PDE1C: variants seen among roughly 807,000 people sequenced by gnomAD.
PDE1C encodes the protein phosphodiesterase 1C.
PDE1C carries 62 observed loss-of-function variants against 93.1 expected under a neutral mutation model. The ratio of observed to expected loss-of-function variants is 0.67; its 90% CI spans 0.54 to 0.82. The LOEUF is 0.82. Among genes scored for constraint, PDE1C ranks in the 40% least tolerant of loss-of-function variants. The probability of loss-of-function intolerance (pLI) is 0.00; values close to 1 mark genes in which losing one functional copy is unlikely to be tolerated. For synonymous variants in PDE1C, 325 were observed against 310.1 expected (o/e 1.05, Z -0.50); for missense variants, 742 against 884.6 (o/e 0.84, Z 2.04).
At chr7:31,768,065 C>T (rs1795250836) in intron 17 of PDE1C, among the ~76,000 whole-genome samples, 2 of 152,176 alleles carry the variant, frequency 1.3e-5, no homozygotes, top group Non-Finnish European at 2.9e-5. Context: ...GCAGCCTAAT[C>T]CTCTTTGAGC....
chr7:31,674,867 T>C, the PDE1C span, among the ~76,000 whole-genome samples: 3 of 152,222 alleles, frequency 2.0e-5, no homozygotes, highest in Non-Finnish European at 2.9e-5. Flanking sequence ...CACTTTCTTC[T>C]GATATGTGTC....
intron 2 of PDE1C, among the ~76,000 whole-genome samples, chr7:32,049,399 G>GTTGTT (rs929781259): frequency 3.9e-5 from 6 of 152,154 alleles, no homozygotes; most frequent in Middle Eastern, 3.4e-3. Context: ...TGTTGTTGTT[G>GTTGTT]TTGTTTTGTT....
At chr7:32,292,912 C>T (rs759070320) in intron 1 of PDE1C, among the ~76,000 whole-genome samples, 9 of 152,298 alleles carry the variant, frequency 5.9e-5, no homozygotes, top group Non-Finnish European at 1.0e-4. Flanking sequence ...GTGCATCAGC[C>T]TATAGGAGGG....
At chr7:32,037,425 C>G (rs1791253290) in intron 2 of PDE1C, among the ~76,000 whole-genome samples, 1 of 152,102 alleles carries the variant, frequency 6.6e-6, no homozygotes, top group Non-Finnish European at 1.5e-5. Context: ...TGCATACAAA[C>G]CTCACTCAAG....
chr7:32,298,767 G>T (rs748188584), exon 1 of PDE1C: 17 of 1,562,184 alleles, frequency 1.1e-5, no homozygotes, highest in Non-Finnish European at 1.5e-5. Context: ...GCCTCGCAGC[G>T]AGACCAGCGG....
At chr7:32,068,138 A>G (rs1179226805) in intron 1 of PDE1C, among the ~76,000 whole-genome samples, 6 of 152,354 alleles carry the variant, frequency 3.9e-5, no homozygotes, top group Admixed American at 3.9e-4. Flanking sequence ...GTGTCATGGT[A>G]ATATATTGGT....
chr7:31,736,654 C>A, the PDE1C span, among the ~76,000 whole-genome samples: 2 of 152,142 alleles, frequency 1.3e-5, no homozygotes, highest in Non-Finnish European at 2.9e-5. Context: ...TTGGAATCTG[C>A]GTGTTCAATG....
At chr7:31,834,696 T>C (rs967472438) in intron 11 of PDE1C, among the ~76,000 whole-genome samples, 1 of 152,032 alleles carries the variant, frequency 6.6e-6, no homozygotes, top group Non-Finnish European at 1.5e-5. Flanking sequence ...TAACTTGCTT[T>C]TGATTTTACA....
At chr7:32,298,353 C>G (rs985244216) in intron 1 of PDE1C, among the ~76,000 whole-genome samples, 2 of 152,142 alleles carry the variant, frequency 1.3e-5, no homozygotes, top group Non-Finnish European at 1.5e-5. Flanking sequence ...TCCTTTCCCC[C>G]GGCCTGCCTT....
rs1393279360 is a variant in PDE1C, at chr7:31,967,596, CCTAA to C, written c.128+83954_128+83957del. Among the ~76,000 whole-genome samples the C allele has an allele frequency of 9.9e-5, 15 of 152,282 alleles. No individual in the cohort carries two copies. In the East Asian group the frequency reaches 2.9e-3, roughly 29 times the overall value. ...ATCAATAAATAAAGAGGGAATCCTC[CCTAA>C]CTCTTTTTATGAGGCCAGCATCATC... On this transcript the variant is annotated intron_variant, in intron 2 of 17. Transcript: ENST00000396191.
chr7:31,656,592 T>G, the PDE1C span: 1 of 530,854 alleles, frequency 1.9e-6, no homozygotes, highest in Non-Finnish European at 2.4e-6. Context: ...ATGAATGAGA[T>G]GAGGATAAAT....
In PDE1C at chr7:32,206,448, G is replaced by A. The variant is rs557176570; in HGVS notation, c.136+3041C>T. 5.3e-5 allele frequency among the ~76,000 whole-genome samples: 8 copies of A among 152,220 alleles called. No individual in the cohort carries two copies. In the South Asian group the frequency reaches 1.7e-3, roughly 32 times the overall value. On this transcript the variant is annotated intron_variant, in intron 2 of 18. Coordinates refer to the PDE1C transcript ENST00000396193. Reference sequence around the variant, plus strand: ...CTAGAGAGGAGGGTTTTTAGGGCCTGGCACTGGAGGGCAGCTTCACCAGCA... The same window carrying A: ...CTAGAGAGGAGGGTTTTTAGGGCCTAGCACTGGAGGGCAGCTTCACCAGCA...
chr7:32,228,237 A>G (rs1360132710), intron 1 of PDE1C, among the ~76,000 whole-genome samples: 1 of 152,212 alleles, frequency 6.6e-6, no homozygotes, highest in Admixed American at 6.5e-5. Context: ...CCAGAGACAC[A>G]TGCGTTGTGT....
intron 3 of PDE1C, among the ~76,000 whole-genome samples, chr7:32,153,598 G>A (rs528035062): frequency 3.4e-4 from 52 of 152,358 alleles, no homozygotes; most frequent in Middle Eastern, 3.4e-3. Flanking sequence ...CCCACCCAGC[G>A]AGGCTGGTTT....
At chr7:32,011,813 C>G (rs1787159426) in intron 2 of PDE1C, among the ~76,000 whole-genome samples, 1 of 152,162 alleles carries the variant, frequency 6.6e-6, no homozygotes, top group Non-Finnish European at 1.5e-5. Flanking sequence ...TGTAGCCATT[C>G]CACTTTTAGG....
chr7:31,888,332 C>G (rs771462215), intron 2 of PDE1C, among the ~76,000 whole-genome samples: 1 of 139,272 alleles, frequency 7.2e-6, no homozygotes, highest in Non-Finnish European at 1.5e-5. Context: ...GTTAGAAGAA[C>G]AAGTTACTCC....
intron 11 of PDE1C, among the ~76,000 whole-genome samples, chr7:31,834,157 G>A (rs904448686): frequency 3.3e-5 from 5 of 152,202 alleles, no homozygotes; most frequent in East Asian, 1.9e-4. Flanking sequence ...GGGAACCTCC[G>A]CCTAGATTTC....
chr7:32,102,497 T>C (rs1216031841), intron 3 of PDE1C, among the ~76,000 whole-genome samples: 1 of 152,230 alleles, frequency 6.6e-6, no homozygotes, highest in African/African-American at 2.4e-5. Flanking sequence ...CTCAAAGGGT[T>C]GTTACAAGAA....
intron 2 of PDE1C, among the ~76,000 whole-genome samples, chr7:32,017,587 T>C (rs182653702): frequency 2.0e-4 from 31 of 152,198 alleles, no homozygotes; most frequent in African/African-American, 6.7e-4. Flanking sequence ...GAGATAACAT[T>C]TGCAATCCCT....
Sources: gnomAD v4.1 joint callset for allele counts (sites outside exome capture counted in the v4.1 genomes callset) on GRCh38, gnomAD v4.1.1 for gene constraint, MANE v1.5 for transcripts, NCBI Gene and HGNC (gene_info 2026-07-23, HGNC 2026-07-21) for gene names.